The following RTCB variants were observed in gnomAD, a reference collection of about 807,000 sequenced individuals.
RTCB encodes RNA-splicing ligase RTCB.
In RTCB, 32 loss-of-function variants were observed where a neutral mutation model predicts 58.2. That is an observed-to-expected ratio of 0.55 (90% confidence interval 0.41 to 0.74). The LOEUF is 0.74. Among genes scored for constraint, RTCB ranks in the 30% least tolerant of loss-of-function variants. RTCB has a pLI of 0.00. For missense variants in RTCB, 523 were observed against 639.0 expected, an observed-to-expected ratio of 0.82 and a Z score of 1.96; for synonymous variants, 247 against 218.6, an observed-to-expected ratio of 1.13 and a Z score of -1.15.
chr22:32,390,597 C>T (rs1221237315), intron 11 of RTCB, among the ~76,000 whole-genome samples: 4 of 152,066 alleles, frequency 2.6e-5, no homozygotes, highest in Non-Finnish European at 5.9e-5. Flanking sequence ...TACAGGCGCC[C>T]GCCACCACGC....
At chr22:32,398,373 G>A (rs59857514) in intron 6 of RTCB, among the ~76,000 whole-genome samples, 2,266 of 151,976 alleles carry the variant, frequency 0.015, 58 homozygotes, top group African/African-American at 0.052. Context: ...CAAACACCAC[G>A]GGTTCTCACT....
chr22:32,407,581 G>A (rs1186928499), intron 3 of RTCB: 2 of 152,302 alleles, frequency 1.3e-5, no homozygotes, highest in African/African-American at 2.4e-5. Flanking sequence ...ACAGTGAAGT[G>A]AAACTTACAA....
chr22:32,408,730 A>G (rs368922770), intron 2 of RTCB, 25 bp downstream of exon 2: 1 of 1,562,484 alleles, frequency 6.4e-7, no homozygotes, highest in Non-Finnish European at 8.8e-7. Context: ...CCGTACTAAC[A>G]CAAGTGAAAC....
At chr22:32,393,359 T>C (rs1933187081) in intron 10 of RTCB, among the ~76,000 whole-genome samples, 1 of 152,168 alleles carries the variant, frequency 6.6e-6, no homozygotes, top group African/African-American at 2.4e-5. Flanking sequence ...CCTAAAATAT[T>C]TACGGTCTGG....
At chr22:32,403,034 C>G (rs1284220076) in intron 4 of RTCB, among the ~76,000 whole-genome samples, 1 of 151,658 alleles carries the variant, frequency 6.6e-6, no homozygotes, top group Non-Finnish European at 1.5e-5. Flanking sequence ...TATGAGCCAC[C>G]GCATCCAGCC....
At position 32,408,789 on chromosome 22, in the gene RTCB, C is replaced by T. The variant is rs1933471750; in HGVS notation, c.138G>A (p.Met46Ile). Residue 46 changes from methionine to isoleucine, a missense_variant, in exon 2 of 12, where the codon ATG becomes ATA. Met to Ile is a conservative substitution (Grantham distance 10). This residue lies in a region of RTCB where 134 missense variants were observed against 129.9 expected (regional missense o/e 1.03). Transcript: ENST00000216038. ...GACAGGCATTCCTTAATTCCTCAAA[C>T]ATCAATTTCTCCAGAGCATCATTCA... Reference protein sequence around the residue: ...FYVNDALEKLMFEELRNACRG... With the variant: ...FYVNDALEKLIFEELRNACRG... The T allele has an allele frequency of 6.2e-7, 1 of 1,614,012 alleles. No homozygotes were observed. The highest frequency in any genetic ancestry group is 1.3e-5 in the African/African-American group (1 of 75,038).
intron 10 of RTCB, 190 bp from the exon 11 acceptor site, chr22:32,392,549 C>T (rs1933172267): frequency 2.6e-6 from 2 of 766,266 alleles, no homozygotes; most frequent in Admixed American, 4.0e-5. Flanking sequence ...GGAGGCTGTC[C>T]TATGCAGGGT....
intron 8 of RTCB, 75 bp downstream of exon 8, chr22:32,395,999 C>T (rs2145891458): frequency 1.3e-6 from 2 of 1,482,242 alleles, no homozygotes; most frequent in Admixed American, 1.8e-5. Flanking sequence ...CGTGTCCAGC[C>T]TGGACTGCAC....
chr22:32,403,706 T>C lies in RTCB; in HGVS notation c.341-1803A>G, dbSNP rs1416650438. 2.0e-5 allele frequency among the ~76,000 whole-genome samples: 3 copies of C among 152,310 alleles called. No individual in the cohort carries two copies. In the South Asian group the frequency reaches 6.2e-4, roughly 32 times the overall value. Reference sequence around the variant, plus strand: ...TCAGCCTCTGAATTGCCTGGGACTATAGGTATTAGGCTGGTGCAAAAGTAA... The same window carrying C: ...TCAGCCTCTGAATTGCCTGGGACTACAGGTATTAGGCTGGTGCAAAAGTAA... On this transcript the variant is annotated intron_variant, in intron 4 of 11. Coordinates refer to ENST00000216038, the MANE Select transcript of RTCB (RefSeq NM_014306.5).
chr22:32,401,969 T>A, intron 4 of RTCB, 66 bp from the exon 5 acceptor site: 1 of 1,494,586 alleles, frequency 6.7e-7, no homozygotes, highest in South Asian at 1.2e-5. Context: ...TTTCTCGCCA[T>A]TAATATGGAA....
intron 9 of RTCB, 109 bp downstream of exon 9, chr22:32,394,917 G>C (rs1342887338): frequency 2.2e-6 from 2 of 900,270 alleles, no homozygotes; most frequent in Non-Finnish European, 1.7e-6. Context: ...ATGAGTGACA[G>C]AGTATTTTCT....
intron 1 of RTCB, among the ~76,000 whole-genome samples, chr22:32,409,838 G>T (rs1342439479): frequency 6.9e-6 from 1 of 144,642 alleles, no homozygotes; most frequent in Non-Finnish European, 1.5e-5. Flanking sequence ...TTTTTTTTGA[G>T]ACTGAGTCTT....
Position 32,393,909 on chromosome 22 carries a change from T to A in RTCB, c.1273A>T (p.Thr425Ser). 1 of 1,613,142 alleles carries A rather than the reference T, an allele frequency of 6.2e-7. No individual in the cohort carries two copies. Among genetic ancestry groups the A allele is most frequent in the South Asian group, 1.1e-5 (1 of 91,070 alleles). The change falls in exon 10 of 12, where the codon ACA becomes TCA. Residue 425 changes from threonine to serine, a missense_variant. Transcript: ENST00000216038. ...TEQGMTETFG[T>S]TCHGAGRALS... Reference sequence around the variant, plus strand: ...TTCCTTACCGCTCCATGACAGGTTGTTCCAAAGGTCTCAGTCATGCCCTGT... The same window carrying A: ...TTCCTTACCGCTCCATGACAGGTTGATCCAAAGGTCTCAGTCATGCCCTGT...
intron 1 of RTCB, 132 bp downstream of exon 1, chr22:32,411,932 G>C (rs973258914): frequency 1.5e-6 from 1 of 656,842 alleles, no homozygotes; most frequent in Non-Finnish European, 2.5e-6. Context: ...AGGGGAGAAG[G>C]ACGGGATGAG....
At chr22:32,407,868 C>T (rs1933454480) in intron 3 of RTCB, 2 of 317,458 alleles carry the variant, frequency 6.3e-6, no homozygotes, top group Non-Finnish European at 6.0e-6. Flanking sequence ...CTCAAGCAAT[C>T]CTCCCACTTA....
At chr22:32,411,024 T>C (rs1933512841) in intron 1 of RTCB, among the ~76,000 whole-genome samples, 1 of 152,228 alleles carries the variant, frequency 6.6e-6, no homozygotes, top group Non-Finnish European at 1.5e-5. Context: ...TTAGATTTTC[T>C]ATTCCTTCCT....
At chr22:32,394,096 T>C (rs1933201194) in intron 9 of RTCB, 94 bp from the exon 10 acceptor site, 1 of 805,924 alleles carries the variant, frequency 1.2e-6, no homozygotes, top group East Asian at 2.6e-5. Flanking sequence ...TGTAGGATTG[T>C]AGGAGAAACC....
In RTCB at chr22:32,393,941, C is replaced by A; in HGVS notation, c.1241G>T (p.Gly414Val). 1.2e-6 allele frequency: 2 copies of A among 1,614,086 alleles called. No individual in the cohort carries two copies. The highest frequency in any genetic ancestry group is 1.7e-6 in the Non-Finnish European group (2 of 1,179,972). ...GGTCTCAGTCATGCCCTGTTCAGTGCCAGTAAGAACATAACTACAGGTTCC... is the reference window on the plus strand; with the variant it reads ...GGTCTCAGTCATGCCCTGTTCAGTGACAGTAAGAACATAACTACAGGTTCC... ...TMGTCSYVLT[G>V]TEQGMTETFG... Residue 414 changes from glycine to valine, a missense_variant, in exon 10 of 12, where the codon GGC becomes GTC. By Grantham distance (109) the Gly-to-Val change is moderately radical (BLOSUM62 -3). This residue lies in a region of RTCB where 248 missense variants were observed against 292.5 expected (regional missense o/e 0.85). Transcript: ENST00000216038.
intron 6 of RTCB, among the ~76,000 whole-genome samples, chr22:32,399,342 T>G (rs1440959782): frequency 6.6e-6 from 1 of 151,834 alleles, no homozygotes; most frequent in Non-Finnish European, 1.5e-5. Flanking sequence ...CTAAGTCTTC[T>G]TATGTTGCCC....
Sources: gnomAD v4.1 joint callset for allele counts (sites outside exome capture counted in the v4.1 genomes callset) on GRCh38, gnomAD v4.1.1 for gene constraint, gnomAD v4.1.1 regional missense constraint, MANE v1.5 for transcripts, NCBI Gene and HGNC (gene_info 2026-07-23, HGNC 2026-07-21) for gene names.